STK24: variants seen among roughly 807,000 people sequenced by gnomAD.
STK24 encodes the protein serine/threonine kinase 24, also known as serine/threonine-protein kinase 24.
A neutral mutation model predicts 55.6 loss-of-function variants in STK24; 21 were observed. The ratio of observed to expected loss-of-function variants is 0.38; its 90% CI spans 0.27 to 0.54. The LOEUF (loss-of-function observed/expected upper bound fraction) is 0.54. Among genes scored for constraint, STK24 ranks in the 20% least tolerant of loss-of-function variants. The pLI is 0.79. For synonymous variants in STK24, 200 were observed against 215.2 expected (o/e 0.93, Z 0.62); for missense variants, 383 against 538.4 (o/e 0.71, Z 2.86).
intron 2 of STK24, among the ~76,000 whole-genome samples, chr13:98,511,744 G>A (rs1895883905): frequency 6.6e-6 from 1 of 152,190 alleles, no homozygotes; most frequent in Admixed American, 6.5e-5. Flanking sequence ...AAGCCAAAAT[G>A]CTAAGGACTG....
chr13:98,493,937 G>T (rs1895142392), intron 2 of STK24, among the ~76,000 whole-genome samples: 1 of 150,294 alleles, frequency 6.7e-6, no homozygotes, highest in Admixed American at 6.6e-5. Flanking sequence ...CCGCCTCCCG[G>T]GTTCACACCA....
intron 2 of STK24, among the ~76,000 whole-genome samples, chr13:98,507,149 G>T (rs12855810): frequency 6.6e-6 from 1 of 152,234 alleles, no homozygotes; most frequent in African/African-American, 2.4e-5. Flanking sequence ...TTGTAAAATG[G>T]CTGAACTATT....
chr13:98,458,787 G>C (rs1398465993), intron 9 of STK24, among the ~76,000 whole-genome samples: 2 of 152,190 alleles, frequency 1.3e-5, no homozygotes, highest in Non-Finnish European at 2.9e-5. Context: ...CCTGACCTGT[G>C]CTCCCTGAAG....
At chr13:98,540,955 A>C (rs1418677666) in intron 1 of STK24, among the ~76,000 whole-genome samples, 1 of 152,110 alleles carries the variant, frequency 6.6e-6, no homozygotes, top group African/African-American at 2.4e-5. Flanking sequence ...GCCTCCACAG[A>C]CAAGGTTATT....
At chr13:98,554,423 T>C (rs1348896129) in intron 1 of STK24, among the ~76,000 whole-genome samples, 2 of 152,252 alleles carry the variant, frequency 1.3e-5, no homozygotes, top group Admixed American at 1.3e-4. Flanking sequence ...GTTGTACTCA[T>C]GGTCATTCCA....
intron 1 of STK24, among the ~76,000 whole-genome samples, chr13:98,568,118 T>C (rs1017049584): frequency 5.9e-5 from 9 of 152,020 alleles, no homozygotes; most frequent in South Asian, 4.1e-4. Context: ...TGCCTCAGCC[T>C]GCCAAGTAGC....
chr13:98,486,452 C>T (rs944133774), intron 2 of STK24, among the ~76,000 whole-genome samples: 1 of 152,172 alleles, frequency 6.6e-6, no homozygotes, highest in Non-Finnish European at 1.5e-5. Context: ...CACGGATAAG[C>T]TTGGGAAAGC....
At chr13:98,465,703 G>C (rs186079390) in intron 6 of STK24, among the ~76,000 whole-genome samples, 4 of 152,326 alleles carry the variant, frequency 2.6e-5, no homozygotes, top group South Asian at 2.1e-4. Context: ...TTAAGAAAAG[G>C]GGGGCTCAGC....
At chr13:98,482,401 C>T in intron 2 of STK24, 80 bp from the exon 3 acceptor site, 1 of 775,436 alleles carries the variant, frequency 1.3e-6, no homozygotes, top group Non-Finnish European at 2.1e-6. Context: ...GGGTATTTTT[C>T]ACAATTATAT....
At chr13:98,558,024 G>C (rs562237018) in intron 1 of STK24, among the ~76,000 whole-genome samples, 12 of 152,090 alleles carry the variant, frequency 7.9e-5, no homozygotes, top group African/African-American at 2.9e-4. Flanking sequence ...CCTCCTCTGC[G>C]CTACTTCTGA....
In STK24 at chr13:98,555,975, C is replaced by T. The variant is rs780086737; in HGVS notation, c.42+20770G>A. The stretch of plus-strand genomic sequence containing the variant: ...GGGATTACAGGCGTGAGCCACCGTG[C>T]GGGCTACCAGCCTCCCTGTCTTATG... On this transcript the variant is annotated intron_variant, in intron 1 of 10. Coordinates refer to ENST00000539966, the MANE Select transcript of STK24 (RefSeq NM_001032296.4). Among the ~76,000 whole-genome samples the T allele has an allele frequency of 6.6e-5, 10 of 150,988 alleles. 1 individual carries two copies. Among genetic ancestry groups the T allele is most frequent in the Admixed American group, 3.3e-4 (5 of 15,178 alleles).
chr13:98,446,972 G>T lies in STK24; in HGVS notation c.*6201C>A, dbSNP rs113030683. ...GTCCCACTGCCCGACACCAGCAGGCGATTCTGTTCTCATGGCAGAAAGTGG... is the reference window on the plus strand; with the variant it reads ...GTCCCACTGCCCGACACCAGCAGGCTATTCTGTTCTCATGGCAGAAAGTGG... On this transcript the variant is annotated 3_prime_UTR_variant, in exon 11 of 11. Transcript: ENST00000539966. 3.3e-5 allele frequency: 24 copies of T among 732,808 alleles called. No individual in the cohort carries two copies. In the African/African-American group the frequency reaches 3.9e-4, roughly 12 times the overall value. 45.4% of individuals were successfully genotyped at this position (732,808 alleles called of 1,614,324 possible).
chr13:98,540,273 G>C (rs952668789), intron 1 of STK24, among the ~76,000 whole-genome samples: 1 of 152,216 alleles, frequency 6.6e-6, no homozygotes, highest in South Asian at 2.1e-4. Context: ...GTTCTGCTCT[G>C]ATTGATGCTA....
At chr13:98,460,851 G>C (rs1003709774) in intron 8 of STK24, among the ~76,000 whole-genome samples, 1 of 151,732 alleles carries the variant, frequency 6.6e-6, no homozygotes, top group Non-Finnish European at 1.5e-5. Context: ...ACCAGCTTGG[G>C]CAACATAGTG....
intron 5 of STK24, among the ~76,000 whole-genome samples, chr13:98,473,999 G>A (rs1387874684): frequency 6.6e-6 from 1 of 152,206 alleles, no homozygotes; most frequent in Non-Finnish European, 1.5e-5. Context: ...TGTTTGCTCA[G>A]AAACTTGGAG....
intron 5 of STK24, among the ~76,000 whole-genome samples, chr13:98,473,385 C>T (rs1894232948): frequency 6.7e-6 from 1 of 149,516 alleles, no homozygotes; most frequent in Non-Finnish European, 1.5e-5. Flanking sequence ...TGGTGTCATC[C>T]AATGAGTTAA....
At chr13:98,485,347 G>A (rs1045416365) in intron 2 of STK24, among the ~76,000 whole-genome samples, 5 of 152,210 alleles carry the variant, frequency 3.3e-5, no homozygotes, top group African/African-American at 1.2e-4. Context: ...TGAAATCACG[G>A]GGAATCAAAG....
At chr13:98,576,213 A>G in intron 1 of STK24, 10 of 983,638 alleles carry the variant, frequency 1.0e-5, no homozygotes, top group Non-Finnish European at 1.2e-5. Flanking sequence ...ACCTTCCTCC[A>G]CTCCACCCTG....
intron 3 of STK24, among the ~76,000 whole-genome samples, chr13:98,479,807 C>T (rs1894517816): frequency 6.6e-6 from 1 of 152,156 alleles, no homozygotes; most frequent in Non-Finnish European, 1.5e-5. Flanking sequence ...ACCTCCAAAA[C>T]ACCCCTTCCC....
Sources: gnomAD v4.1 joint callset for allele counts (sites outside exome capture counted in the v4.1 genomes callset) on GRCh38, gnomAD v4.1.1 for gene constraint, MANE v1.5 for transcripts, NCBI Gene and HGNC (gene_info 2026-07-23, HGNC 2026-07-21) for gene names.